FCAMR: variants seen among roughly 807,000 people sequenced by gnomAD.
FCAMR encodes high affinity immunoglobulin alpha and immunoglobulin mu Fc receptor.
A neutral mutation model predicts 52.2 loss-of-function variants in FCAMR; 51 were observed. That is an observed-to-expected ratio of 0.98 (90% CI 0.78 to 1.23). The LOEUF (loss-of-function observed/expected upper bound fraction) is 1.23, where lower values mean the gene tolerates loss of function less well. Ranked by LOEUF, FCAMR falls within the 50% of genes most tolerant of loss-of-function variation. The pLI is 0.00. For synonymous variants in FCAMR, 282 were observed against 262.0 expected (o/e 1.08, Z -0.74); for missense variants, 719 against 712.6 (o/e 1.01, Z -0.10).
chr1:206,969,285 G>A (rs116518766), intron 1 of FCAMR: 18 of 456,360 alleles, frequency 3.9e-5, no homozygotes, highest in African/African-American at 1.6e-4. Context: ...GAGAAAAGCC[G>A]GCTCCGTGGG....
chr1:206,961,305 T>C, intron 5 of FCAMR, 82 bp from the exon 6 acceptor site: 1 of 1,191,672 alleles, frequency 8.4e-7, no homozygotes, highest in African/African-American at 1.5e-5. Context: ...AGGTTTAAAA[T>C]GTCTGCTAAG....
Position 206,958,285 on chromosome 1 carries a change from T to C in FCAMR, c.*231A>G. ...CTAGGTGACCTCTTCCAGTGTTTCA[T>C]ACACTGTTCTTGAAGTCTCCTTTGA... On this transcript the variant is annotated 3_prime_UTR_variant, in exon 8 of 8. Coordinates refer to ENST00000324852, the MANE Select transcript of FCAMR (RefSeq NM_001170631.2). The C allele has an allele frequency of 4.0e-6, 2 of 504,754 alleles. No homozygotes were observed. Among genetic ancestry groups the C allele is most frequent in the South Asian group, 3.3e-5 (1 of 30,548 alleles). The allele number at this position is 504,754 out of a possible 1,614,324, so 31.3% of individuals were successfully genotyped here.
intron 1 of FCAMR, among the ~76,000 whole-genome samples, chr1:206,967,935 A>T (rs565125998): frequency 2.0e-5 from 3 of 152,344 alleles, no homozygotes; most frequent in Admixed American, 6.5e-5. Context: ...AAGGGGATCT[A>T]GCACGTTGTA....
rs776868901 is a variant in FCAMR at position 206,967,113 on chromosome 1, C to A, written c.109-1G>T. 17 of 1,613,700 alleles carry A rather than the reference C, an allele frequency of 1.1e-5. No individual in the cohort carries two copies. The highest frequency in any genetic ancestry group is 5.5e-5 in the South Asian group (5 of 90,934). ...TCCATCCCGCCCTCCTGCTGGTGACCTGCAAAAAACACTCTAAATGAAAAG... is the reference window on the plus strand; with the variant it reads ...TCCATCCCGCCCTCCTGCTGGTGACATGCAAAAAACACTCTAAATGAAAAG... On this transcript the variant is annotated splice_acceptor_variant, in intron 2 of 7. Coordinates refer to ENST00000324852, the MANE Select transcript of FCAMR (RefSeq NM_001170631.2). LOFTEE classifies it high-confidence loss of function.
At position 206,962,533 on chromosome 1, in the gene FCAMR, C is replaced by T. The variant is rs762339034; in HGVS notation, c.332G>A (p.Gly111Asp). 1.9e-6 allele frequency: 3 copies of T among 1,568,090 alleles called. No homozygotes were observed. The African/African-American group carries it at 4.1e-5, about 21-fold the overall frequency. The stretch of plus-strand genomic sequence containing the variant: ...AGGCTCCCCTGACACCAGCCTTGAG[C>T]CCTTCAATGAATTTGGAGCTGCAGA... The part of the protein sequence containing the change: ...SSFAAPNSLK[G>D]SRLVSGEPGG... The change falls in exon 5 of 8, where the codon GGC becomes GAC. Residue 111 changes from glycine (G) to aspartate (D), a missense_variant. Coordinates refer to ENST00000324852, the MANE Select transcript of FCAMR (RefSeq NM_001170631.2).
rs1209692605 is a variant in FCAMR at position 206,960,966 on chromosome 1, C to T, written c.910G>A (p.Ala304Thr). The part of the protein sequence containing the change: ...TGSWAEGSVK[A>T]PAPIPESPPS... ...GGACTCTCTGGAATCGGAGCAGGTG[C>T]TTTGACAGAACCCTCTGCCCAGCTG... The change falls in exon 6 of 8, where the codon GCA becomes ACA. Residue 304 changes from alanine to threonine, a missense_variant. Ala to Thr is a moderately conservative substitution (Grantham distance 58, BLOSUM62 0). Coordinates refer to ENST00000324852, the MANE Select transcript of FCAMR (RefSeq NM_001170631.2). 8 of 1,551,826 alleles carry T rather than the reference C, an allele frequency of 5.2e-6. No individual in the cohort carries two copies. Among genetic ancestry groups the T allele is most frequent in the Non-Finnish European group, 6.1e-6 (7 of 1,147,034 alleles).
In FCAMR at chr1:206,967,625, C is replaced by T; in HGVS notation, c.66G>A (p.Val22=). ...QKEVVRRGRE[V]DYSRLIAGTL... is the part of the protein sequence containing the mutation. Reference sequence around the variant, plus strand: ...TGCCAGCAATGAGCCTGGAGTAGTCCACTTCTCTTCCTCTCCTCACCACTT... The same window carrying T: ...TGCCAGCAATGAGCCTGGAGTAGTCTACTTCTCTTCCTCTCCTCACCACTT... The change falls in exon 2 of 8, where the codon GTG becomes GTA. Residue 22 remains valine, a synonymous_variant. Transcript: ENST00000324852. The T allele has an allele frequency of 1.2e-6, 2 of 1,614,128 alleles. No individual in the cohort carries two copies. The highest frequency in any genetic ancestry group is 1.1e-5 in the South Asian group (1 of 91,076).
intron 2 of FCAMR, 90 bp downstream of exon 2, chr1:206,967,493 T>C (rs973253834): frequency 4.4e-6 from 6 of 1,367,254 alleles, no homozygotes; most frequent in Non-Finnish European, 6.2e-6. Flanking sequence ...CTAGTTGGAA[T>C]TGTGGGACCT....
intron 4 of FCAMR, among the ~76,000 whole-genome samples, chr1:206,963,305 C>T (rs1572663639): frequency 6.6e-6 from 1 of 152,136 alleles, no homozygotes; most frequent in East Asian, 1.9e-4. Flanking sequence ...TGCTTGGCAA[C>T]AGGCCTAAGG....
intron 4 of FCAMR, among the ~76,000 whole-genome samples, chr1:206,964,006 G>A (rs1277418274): frequency 6.6e-6 from 1 of 152,182 alleles, no homozygotes; most frequent in Non-Finnish European, 1.5e-5. Context: ...GTACACCTGT[G>A]TCCTGCAGTC....
chr1:206,967,412 C>G (rs1159824652), intron 2 of FCAMR, among the ~76,000 whole-genome samples, 171 bp downstream of exon 2: 1 of 152,184 alleles, frequency 6.6e-6, no homozygotes, highest in Non-Finnish European at 1.5e-5. Flanking sequence ...TGGGCACCCA[C>G]TTGCCAGCCT....
rs1386218455 is a variant in FCAMR, at chr1:206,958,467, G to A, written c.*49C>T. 2 of 1,548,702 alleles carry A rather than the reference G, an allele frequency of 1.3e-6. No individual in the cohort carries two copies. Among genetic ancestry groups the A allele is most frequent in the South Asian group, 1.2e-5 (1 of 81,344 alleles). The stretch of plus-strand genomic sequence containing the variant: ...AGAGGCTGGGGTCCTGAAGGCCTTT[G>A]ATCTTGGTCCTTCTCCCATGGTAAC... On this transcript the variant is annotated 3_prime_UTR_variant, in exon 8 of 8. Coordinates refer to ENST00000324852, the MANE Select transcript of FCAMR (RefSeq NM_001170631.2).
chr1:206,968,503 C>T (rs949672760), intron 1 of FCAMR, among the ~76,000 whole-genome samples: 2 of 152,168 alleles, frequency 1.3e-5, no homozygotes, highest in South Asian at 2.1e-4. Context: ...TAAAGTTAGC[C>T]GTTGAGTTTT....
chr1:206,962,093 G>T, intron 5 of FCAMR, 120 bp downstream of exon 5: 2 of 990,500 alleles, frequency 2.0e-6, no homozygotes, highest in African/African-American at 1.6e-5. Flanking sequence ...CCTTGCCCCA[G>T]CTTTTCATTG....
In FCAMR at chr1:206,962,285, C is replaced by A; in HGVS notation, c.580G>T (p.Gly194Ter). The A allele has an allele frequency of 6.2e-7, 1 of 1,614,154 alleles. No individual in the cohort carries two copies. Among genetic ancestry groups the A allele is most frequent in the Non-Finnish European group, 8.5e-7 (1 of 1,180,036 alleles). ...RLSQLSPDDI[G>*]CYLCGIGSEN... ...CTTCCAATGCCGCAGAGGTAGCATC[C>A]GATGTCATCCGGGGACAGTTGGGAC... Residue 194 changes from glycine to a stop codon, truncating the protein, a stop_gained, in exon 5 of 8, where the codon GGA becomes TGA. Transcript: ENST00000324852. LOFTEE classifies it high-confidence loss of function.
intron 4 of FCAMR, among the ~76,000 whole-genome samples, chr1:206,963,473 T>A (rs1680586951): frequency 6.6e-6 from 1 of 152,160 alleles, no homozygotes; most frequent in Non-Finnish European, 1.5e-5. Flanking sequence ...CATAATCTCA[T>A]GTATAGTAGC....
intron 7 of FCAMR, 87 bp from the exon 8 acceptor site, chr1:206,958,763 A>G: frequency 6.4e-7 from 1 of 1,561,262 alleles, no homozygotes; most frequent in East Asian, 2.2e-5. Context: ...AACCACTGCA[A>G]GTTTTCAAGA....
Position 206,960,596 on chromosome 1 carries a change from A to G in FCAMR, c.1280T>C (p.Ile427Thr), listed in dbSNP as rs1377742598. ...TLGTPAADVW[I>T]LGTPAADVWT... ...CACATCTGCAGCTGGAGTTCCCAAG[A>G]TCCACACATCTGCAGCTGGAGTTCC... The change falls in exon 6 of 8, where the codon ATC (isoleucine) becomes ACC (threonine). Residue 427 changes from isoleucine to threonine, a missense_variant. By Grantham distance (89) the Ile-to-Thr change is moderately conservative. Coordinates refer to ENST00000324852, the MANE Select transcript of FCAMR (RefSeq NM_001170631.2). 6.4e-7 allele frequency: 1 copy of G among 1,551,692 alleles called. No individual in the cohort carries two copies. The highest frequency in any genetic ancestry group is 2.0e-5 in the Admixed American group (1 of 50,994).
intron 2 of FCAMR, 114 bp from the exon 3 acceptor site, chr1:206,967,226 G>T: frequency 1.9e-6 from 2 of 1,051,140 alleles, no homozygotes; most frequent in Non-Finnish European, 1.4e-6. Flanking sequence ...CAGTGCAGGG[G>T]CTGGGTTGCA....
Sources: gnomAD v4.1 joint callset for allele counts (sites outside exome capture counted in the v4.1 genomes callset) on GRCh38, gnomAD v4.1.1 for gene constraint, MANE v1.5 for transcripts, NCBI Gene and HGNC (gene_info 2026-07-23, HGNC 2026-07-21) for gene names.